The following INTS8 variants were observed in gnomAD, a reference collection of about 807,000 sequenced individuals.
INTS8 encodes integrator complex subunit 8.
A neutral mutation model predicts 138.9 loss-of-function variants in INTS8; 47 were observed. That is an observed-to-expected ratio of 0.34 (90% confidence interval 0.27 to 0.43). The LOEUF is 0.43. Among genes scored for constraint, INTS8 ranks in the 20% least tolerant of loss-of-function variants. The pLI is 1.00. For missense variants in INTS8, 996 were observed against 1,173.0 expected (o/e 0.85, Z 2.20); for synonymous variants, 392 against 400.9 (o/e 0.98, Z 0.27).
intron 8 of INTS8, among the ~76,000 whole-genome samples, chr8:94,839,868 C>A (rs893977002): frequency 6.6e-6 from 1 of 152,122 alleles, no homozygotes; most frequent in Non-Finnish European, 1.5e-5. Context: ...TGCACTCCAG[C>A]TTGGGTGACA....
At chr8:94,862,897 A>C (rs1816045511) in intron 16 of INTS8, among the ~76,000 whole-genome samples, 1 of 152,150 alleles carries the variant, frequency 6.6e-6, no homozygotes, top group African/African-American at 2.4e-5. Flanking sequence ...GTCTGAAAGG[A>C]TATTAACAGC....
Position 94,880,501 on chromosome 8 carries a change from A to C in INTS8, c.*267A>C. On this transcript the variant is annotated 3_prime_UTR_variant, in exon 27 of 27. Coordinates refer to ENST00000523731, the MANE Select transcript of INTS8 (RefSeq NM_017864.4). Reference sequence around the variant, plus strand: ...ATCTAGTTTTCTAATCTACTTTATGAGGCTGGATTTTTTTTTTAGAAAAGC... The same window carrying C: ...ATCTAGTTTTCTAATCTACTTTATGCGGCTGGATTTTTTTTTTAGAAAAGC... 3.3e-6 allele frequency: 1 copy of C among 305,718 alleles called. No individual in the cohort carries two copies. Among genetic ancestry groups the C allele is most frequent in the Non-Finnish European group, 5.9e-6 (1 of 169,994 alleles). 18.9% of individuals were successfully genotyped at this position (305,718 alleles called of 1,614,324 possible).
chr8:94,837,734 G>T lies in INTS8; in HGVS notation c.862-729G>T, dbSNP rs114945566. Reference sequence around the variant, plus strand: ...GTTAATGTCTTGTCATACATACTTGGTATGATAATGATGTCCACCTTTTGT... The same window carrying T: ...GTTAATGTCTTGTCATACATACTTGTTATGATAATGATGTCCACCTTTTGT... On this transcript the variant is annotated intron_variant, in intron 7 of 26. Coordinates refer to ENST00000523731, the MANE Select transcript of INTS8 (RefSeq NM_017864.4). Among the ~76,000 whole-genome samples the T allele has an allele frequency of 1.9e-3, 282 of 152,110 alleles. 1 individual carries two copies. The highest frequency in any genetic ancestry group is 6.6e-3 in the African/African-American group (272 of 41,498).
chr8:94,854,999 G>A (rs1421621246), intron 14 of INTS8, among the ~76,000 whole-genome samples: 1 of 149,346 alleles, frequency 6.7e-6, no homozygotes, highest in African/African-American at 2.5e-5. Flanking sequence ...TTCCACATCA[G>A]CCTCCCAAAG....
At chr8:94,876,625 A>T (rs980348775) in intron 26 of INTS8, 136 bp downstream of exon 26, 1 of 543,186 alleles carries the variant, frequency 1.8e-6, no homozygotes. Context: ...TACTTTATAA[A>T]AGATCCTTTT....
chr8:94,844,314 C>G (rs1000254127), intron 10 of INTS8, among the ~76,000 whole-genome samples: 4 of 151,966 alleles, frequency 2.6e-5, no homozygotes, highest in African/African-American at 9.7e-5. Flanking sequence ...GATAGGATTA[C>G]AGGTGTGAGC....
chr8:94,873,359 GT>G lies in INTS8; in HGVS notation c.2534-10del. ...CTGTTACCTCTAATGCTTTATGTCT[GT>G]TTTTCTGTTTCAGCAACGAATCAGT... On this transcript the variant is annotated splice_polypyrimidine_tract_variant and intron_variant, in intron 21 of 26. Transcript: ENST00000523731. 6.3e-7 allele frequency: 1 copy of G among 1,580,006 alleles called. No homozygotes were observed. The highest frequency in any genetic ancestry group is 8.7e-7 in the Non-Finnish European group (1 of 1,149,016).
At chr8:94,850,924 G>A (rs538390868) in intron 12 of INTS8, among the ~76,000 whole-genome samples, 1 of 152,116 alleles carries the variant, frequency 6.6e-6, no homozygotes, top group Non-Finnish European at 1.5e-5. Flanking sequence ...ATATAGATGA[G>A]AGAGAATTCG....
At chr8:94,879,452 G>A (rs766737601) in intron 26 of INTS8, among the ~76,000 whole-genome samples, 6 of 151,710 alleles carry the variant, frequency 4.0e-5, no homozygotes, top group African/African-American at 1.2e-4. Context: ...AAAATTAGAC[G>A]GACGAGATGG....
chr8:94,880,093 T>C (rs1816745768), intron 26 of INTS8, 25 bp from the exon 27 acceptor site: 1 of 1,526,440 alleles, frequency 6.6e-7, no homozygotes, highest in Non-Finnish European at 9.0e-7. Context: ...ACACCTCTAA[T>C]AACATCACTT....
In INTS8 at chr8:94,832,146, A is replaced by C; in HGVS notation, c.725A>C (p.Lys242Thr). Residue 242 changes from lysine to threonine, a missense_variant, in exon 6 of 27, where the codon AAA (lysine) becomes ACA (threonine). Coordinates refer to ENST00000523731, the MANE Select transcript of INTS8 (RefSeq NM_017864.4). ...GETESSTAGLKVKTEEMQCQV... is the reference protein window; with the variant it reads ...GETESSTAGLTVKTEEMQCQV... ...ACTGAGAGTTCTACTGCTGGATTGA[A>C]AGTCAAAACCGAAGAAATGCAGTGC... is the stretch of plus-strand genomic sequence containing the variant. The C allele has an allele frequency of 6.2e-7, 1 of 1,612,416 alleles. No individual in the cohort carries two copies. The highest frequency in any genetic ancestry group is 8.5e-7 in the Non-Finnish European group (1 of 1,179,632).
chr8:94,838,426 C>T, intron 7 of INTS8, 37 bp from the exon 8 acceptor site: 1 of 1,523,820 alleles, frequency 6.6e-7, no homozygotes. Context: ...GTTTATATTA[C>T]ATGAATGGAT....
intron 6 of INTS8, among the ~76,000 whole-genome samples, chr8:94,832,516 A>T (rs7817415): frequency 0.015 from 2,355 of 152,296 alleles, 61 homozygotes; most frequent in African/African-American, 0.054. Flanking sequence ...ATATTATGCT[A>T]GACTTTGAAA....
chr8:94,859,472 G>C, intron 15 of INTS8, 39 bp from the exon 16 acceptor site: 2 of 1,592,282 alleles, frequency 1.3e-6, no homozygotes, highest in Non-Finnish European at 1.7e-6. Flanking sequence ...TTTTAATGTT[G>C]TGATGGTAAT....
At position 94,866,145 on chromosome 8, in the gene INTS8, T is replaced by G. The variant is rs1278556003; in HGVS notation, c.2262-13T>G. ...TAATATTAAATGTGTATTCAAAAAT[T>G]TTTGTTTTGTAGGAGTGAACTGCTT... On this transcript the variant is annotated splice_polypyrimidine_tract_variant and intron_variant, in intron 17 of 26. Coordinates refer to ENST00000523731, the MANE Select transcript of INTS8 (RefSeq NM_017864.4). The G allele has an allele frequency of 8.7e-7, 1 of 1,149,412 alleles. No individual in the cohort carries two copies. The highest frequency in any genetic ancestry group is 1.3e-6 in the Non-Finnish European group (1 of 789,640). The allele number at this position is 1,149,412 out of a possible 1,614,324, so 71.2% of individuals were successfully genotyped here.
chr8:94,856,275 A>T (rs1342950536), intron 14 of INTS8, among the ~76,000 whole-genome samples: 1 of 152,230 alleles, frequency 6.6e-6, no homozygotes, highest in Non-Finnish European at 1.5e-5. Context: ...AGTGAATGAA[A>T]TATGTGGAGC....
At chr8:94,844,752 CTTTTTTT>C (rs966738887) in intron 10 of INTS8, among the ~76,000 whole-genome samples, 77 of 136,504 alleles carry the variant, frequency 5.6e-4, no homozygotes, top group Non-Finnish European at 5.4e-4. Context: ...TTTAGTTTTT[CTTTTTTT>C]TTTTTTTTTG....
chr8:94,870,968 T>C (rs941326651), intron 20 of INTS8, among the ~76,000 whole-genome samples: 2 of 152,078 alleles, frequency 1.3e-5, no homozygotes, highest in Non-Finnish European at 2.9e-5. Flanking sequence ...CACAGTACTC[T>C]TTTCTTGATT....
intron 16 of INTS8, among the ~76,000 whole-genome samples, chr8:94,860,603 A>AC (rs1467796894): frequency 1.8e-4 from 27 of 150,552 alleles, no homozygotes; most frequent in African/African-American, 6.6e-4. Flanking sequence ...AAAAAAAAAA[A>AC]ACCCAAAAAA....
Sources: allele counts gnomAD v4.1 joint callset (sites outside exome capture counted in the v4.1 genomes callset), GRCh38; gene constraint gnomAD v4.1.1; transcripts MANE v1.5; gene names NCBI Gene and HGNC (gene_info 2026-07-23, HGNC 2026-07-21).